TRMT11: variants seen among roughly 807,000 people sequenced by gnomAD.
TRMT11 encodes the protein tRNA methyltransferase 11, also known as tRNA (guanine(10)-N(2))-methyltransferase TRMT11.
Under a neutral mutation model 62.8 loss-of-function variants are expected in TRMT11, and 53 were observed. The ratio of observed to expected loss-of-function variants is 0.84; its 90% CI spans 0.68 to 1.06. The LOEUF is 1.06. Among genes scored for constraint, TRMT11 ranks in the 50% least tolerant of loss-of-function variants. The pLI, the probability that TRMT11 is intolerant of heterozygous loss-of-function variation, is 0.00. For synonymous variants in TRMT11, 188 were observed against 190.3 expected (o/e 0.99, Z 0.10); for missense variants, 556 against 553.4 (o/e 1.00, Z -0.05).
At chr6:126,014,503 C>A (rs1794700432) in intron 11 of TRMT11, among the ~76,000 whole-genome samples, 3 of 152,228 alleles carry the variant, frequency 2.0e-5, no homozygotes, top group Admixed American at 2.0e-4. Flanking sequence ...CCCACCTCAG[C>A]CTCCCAAAGT....
chr6:126,236,501 A>T, the TRMT11 span, among the ~76,000 whole-genome samples: 31 of 152,328 alleles, frequency 2.0e-4, 1 homozygote, highest in East Asian at 5.0e-3. Flanking sequence ...TTTATGAAGT[A>T]AGAAATCATC....
intron 21 of TRMT11, among the ~76,000 whole-genome samples, chr6:126,171,144 C>T (rs1389981333): frequency 6.6e-6 from 1 of 152,128 alleles, no homozygotes; most frequent in African/African-American, 2.4e-5. Flanking sequence ...TACTTAAACC[C>T]ACCAGAATTT....
the TRMT11 span, among the ~76,000 whole-genome samples, chr6:126,265,377 T>A: frequency 5.9e-5 from 9 of 152,158 alleles, no homozygotes; most frequent in Non-Finnish European, 1.2e-4. Flanking sequence ...TTTTATAAAT[T>A]ATCCCAAAGT....
chr6:126,213,810 A>G, the TRMT11 span, among the ~76,000 whole-genome samples: 1 of 152,084 alleles, frequency 6.6e-6, no homozygotes, highest in Admixed American at 6.6e-5. Context: ...GACAGTGGGC[A>G]TCCTTGTCCT....
intron 1 of TRMT11, among the ~76,000 whole-genome samples, chr6:126,192,613 T>C (rs1362988094): frequency 5.3e-5 from 8 of 152,304 alleles, no homozygotes; most frequent in African/African-American, 1.7e-4. Context: ...TGAGGTATGC[T>C]CCTTTTATAT....
At chr6:126,146,660 G>A (rs1191666547) in intron 21 of TRMT11, among the ~76,000 whole-genome samples, 3 of 152,032 alleles carry the variant, frequency 2.0e-5, no homozygotes, top group Non-Finnish European at 2.9e-5. Context: ...GGGATTACAG[G>A]TGTCTGCCAC....
the TRMT11 span, among the ~76,000 whole-genome samples, chr6:126,267,317 C>G: frequency 6.6e-6 from 1 of 152,280 alleles, no homozygotes; most frequent in Admixed American, 6.5e-5. Flanking sequence ...GAGCCTGGCA[C>G]ATTGCAGGAC....
At chr6:126,103,455 T>G (rs1777426175) in intron 17 of TRMT11, among the ~76,000 whole-genome samples, 1 of 152,234 alleles carries the variant, frequency 6.6e-6, no homozygotes, top group South Asian at 2.1e-4. Flanking sequence ...ATTTCTGTAA[T>G]TACAATTCTG....
Position 126,021,230 on chromosome 6 carries a change from A to C in TRMT11, c.1210A>C (p.Ser404Arg). The change falls in exon 12 of 13, where the codon AGT becomes CGT. Residue 404 changes from serine to arginine, a missense_variant. By Grantham distance (110) the Ser-to-Arg change is moderately radical (BLOSUM62 -1). Transcript: ENST00000334379. Reference sequence around the variant, plus strand: ...TAGCAACTGCGAGCAGAAGCTTTCCAGTCACACATCAAGGCGCTTGATCAC... The same window carrying C: ...TAGCAACTGCGAGCAGAAGCTTTCCCGTCACACATCAAGGCGCTTGATCAC... ...LVSNCEQKLSSHTSRRLITME... is the reference protein window; with the variant it reads ...LVSNCEQKLSRHTSRRLITME... 6.2e-7 allele frequency: 1 copy of C among 1,614,226 alleles called. No individual in the cohort carries two copies. The highest frequency in any genetic ancestry group is 8.5e-7 in the Non-Finnish European group (1 of 1,180,014).
intron 21 of TRMT11, among the ~76,000 whole-genome samples, chr6:126,118,738 C>T (rs1777616562): frequency 6.6e-6 from 1 of 151,892 alleles, no homozygotes. Flanking sequence ...AATAAACTTT[C>T]CTTATCCCAT....
intron 17 of TRMT11, among the ~76,000 whole-genome samples, chr6:126,105,545 C>T (rs948277544): frequency 6.6e-6 from 1 of 150,976 alleles, no homozygotes; most frequent in African/African-American, 2.4e-5. Context: ...CCCAGTTGTT[C>T]GGAGACGGAG....
At chr6:126,167,575 G>A (rs896589005) in intron 21 of TRMT11, among the ~76,000 whole-genome samples, 2 of 152,184 alleles carry the variant, frequency 1.3e-5, no homozygotes, top group African/African-American at 2.4e-5. Context: ...CCAGCCATCT[G>A]TTATGGTTCT....
chr6:126,103,210 G>T (rs531517603), intron 17 of TRMT11, among the ~76,000 whole-genome samples: 5 of 152,112 alleles, frequency 3.3e-5, no homozygotes, highest in Non-Finnish European at 7.4e-5. Context: ...ATGGTCCTAC[G>T]CTAATTCTCA....
the TRMT11 span, among the ~76,000 whole-genome samples, chr6:126,265,107 TATACACAC>T: frequency 2.6e-5 from 4 of 152,188 alleles, no homozygotes; most frequent in Non-Finnish European, 1.5e-5. Flanking sequence ...TTTATGTTCA[TATACACAC>T]ATGCACACCT....
chr6:126,149,760 G>A (rs1778016214), intron 21 of TRMT11, among the ~76,000 whole-genome samples: 1 of 152,148 alleles, frequency 6.6e-6, no homozygotes, highest in Non-Finnish European at 1.5e-5. Flanking sequence ...TGGATTTGTT[G>A]GGCAGGGATC....
chr6:126,004,878 C>G (rs539227403), intron 7 of TRMT11, among the ~76,000 whole-genome samples: 8 of 151,996 alleles, frequency 5.3e-5, no homozygotes, highest in Admixed American at 5.2e-4. Context: ...TTCCTTTTTT[C>G]CTTTAGACTG....
the TRMT11 span, among the ~76,000 whole-genome samples, chr6:126,262,448 G>A: frequency 1.0e-3 from 154 of 152,308 alleles, no homozygotes; most frequent in Non-Finnish European, 1.6e-3. Flanking sequence ...AGCCACGGTT[G>A]TGGTACTACA....
In TRMT11 at chr6:126,037,129, G is replaced by A. The variant is rs75973595; in HGVS notation, c.1261-1576G>A. Among the ~76,000 whole-genome samples the A allele has an allele frequency of 9.9e-3, 1,503 of 152,152 alleles. 18 individuals are homozygous for A. Among genetic ancestry groups the A allele is most frequent in the African/African-American group, 0.034 (1,398 of 41,526 alleles). On this transcript the variant is annotated intron_variant, in intron 12 of 12. Coordinates refer to ENST00000334379, the MANE Select transcript of TRMT11 (RefSeq NM_001031712.3). ...TCCTCCTGCTTCTTGAGTTGGGGAAGAAGATAGCTCTTTTGGAGAAAACCT... is the reference window on the plus strand; with the variant it reads ...TCCTCCTGCTTCTTGAGTTGGGGAAAAAGATAGCTCTTTTGGAGAAAACCT...
At chr6:126,090,748 GA>G (rs1438998785) in intron 17 of TRMT11, among the ~76,000 whole-genome samples, 5 of 152,134 alleles carry the variant, frequency 3.3e-5, no homozygotes, top group African/African-American at 1.2e-4. Flanking sequence ...GCATTTCCAT[GA>G]CTGAAATAAC....
Sources: allele counts gnomAD v4.1 joint callset (sites outside exome capture counted in the v4.1 genomes callset), GRCh38; gene constraint gnomAD v4.1.1; transcripts MANE v1.5; gene names NCBI Gene and HGNC (gene_info 2026-07-23, HGNC 2026-07-21).